The following ARID1B variants were observed in gnomAD, a reference collection of about 807,000 sequenced individuals.
ARID1B encodes AT-rich interaction domain 1B.
Under a neutral mutation model 212.3 loss-of-function variants are expected in ARID1B, and 30 were observed. The observed-to-expected ratio is 0.14, with a 90% CI of 0.11 to 0.19. The LOEUF (loss-of-function observed/expected upper bound fraction) is 0.19, where lower values mean the gene tolerates loss of function less well. ARID1B is among the 10% of genes least tolerant of loss of function. ARID1B has a pLI of 1.00. For missense variants in ARID1B, 2,891 were observed against 3,204.0 expected, an observed-to-expected ratio of 0.90 and a Z score of 2.36; for synonymous variants, 1,402 against 1,301.7, an observed-to-expected ratio of 1.08 and a Z score of -1.66.
At chr6:156,869,599 T>G (rs1488551279) in intron 2 of ARID1B, among the ~76,000 whole-genome samples, 2 of 152,228 alleles carry the variant, frequency 1.3e-5, no homozygotes, top group Non-Finnish European at 2.9e-5. Context: ...GGCGAGGACA[T>G]GGAAAGACTT....
intron 1 of ARID1B, among the ~76,000 whole-genome samples, chr6:156,790,975 T>C (rs533330666): frequency 4.6e-4 from 70 of 152,250 alleles, no homozygotes; most frequent in Non-Finnish European, 7.5e-4. Context: ...TCCATATTGC[T>C]ATATTATTAG....
In ARID1B at chr6:157,190,060, G is replaced by A. The variant is rs1476545892; in HGVS notation, c.4081G>A (p.Asp1361Asn). Residue 1361 changes from aspartate (D) to asparagine (N), a missense_variant, in exon 15 of 20, where the codon GAC becomes AAC. By Grantham distance (23) the Asp-to-Asn change is conservative. Around this residue, in one of 7 missense-constraint regions of ARID1B, gnomAD observed 666 missense variants for 873.5 expected, o/e 0.76. Transcript: ENST00000636930. This position sits in a 1 kb window ranked among gnomAD's most constrained non-coding sequence, Gnocchi z 4.6. Reference protein sequence around the residue: ...GGRSSTISVHDPFSDVSDSSF... With the variant: ...GGRSSTISVHNPFSDVSDSSF... ...CAGAAGCAGTACAATCAGTGTGCACGACCCATTCTCAGATGTGAGTGATTC... is the reference window on the plus strand; with the variant it reads ...CAGAAGCAGTACAATCAGTGTGCACAACCCATTCTCAGATGTGAGTGATTC... The A allele has an allele frequency of 3.1e-6, 5 of 1,613,978 alleles. No individual in the cohort carries two copies. The highest frequency in any genetic ancestry group is 1.7e-5 in the Admixed American group (1 of 59,994).
chr6:156,829,913 C>T (rs1783026377), intron 2 of ARID1B, among the ~76,000 whole-genome samples: 1 of 151,330 alleles, frequency 6.6e-6, no homozygotes, highest in Non-Finnish European at 1.5e-5. Context: ...TCTTCTGTAC[C>T]TTTTGAAAAA....
At chr6:156,971,240 C>A (rs542627424) in intron 4 of ARID1B, among the ~76,000 whole-genome samples, 1 of 152,114 alleles carries the variant, frequency 6.6e-6, no homozygotes, top group Non-Finnish European at 1.5e-5. Flanking sequence ...TAAATTGCAG[C>A]GTTATCTGTA....
In ARID1B at chr6:157,209,731, T is replaced by G; in HGVS notation, c.*1840T>G. 1 of 233,276 alleles carries G rather than the reference T, an allele frequency of 4.3e-6. No individual in the cohort carries two copies. The highest frequency in any genetic ancestry group is 5.6e-5 in the Admixed American group (1 of 17,802). 14.5% of individuals were successfully genotyped at this position (233,276 alleles called of 1,614,324 possible). A position where few individuals can be genotyped will look rare whatever the true frequency, so the allele number is the denominator to read the frequency against. ...AATGTTAAAAAAGAATCTGTTATAT[T>G]GTATGTGGTGTACATAGTGCAAAGT... On this transcript the variant is annotated 3_prime_UTR_variant, in exon 20 of 20. Coordinates refer to ENST00000636930, the MANE Select transcript of ARID1B (RefSeq NM_001374828.1).
At chr6:157,095,555 A>G (rs1046226506) in intron 5 of ARID1B, among the ~76,000 whole-genome samples, 3 of 152,326 alleles carry the variant, frequency 2.0e-5, no homozygotes, top group Middle Eastern at 3.4e-3. Context: ...CGTGCCTGAG[A>G]AGGAGGCCTG....
intron 2 of ARID1B, among the ~76,000 whole-genome samples, chr6:156,896,862 A>AGC (rs1460407349): frequency 6.6e-6 from 1 of 152,166 alleles, no homozygotes; most frequent in Non-Finnish European, 1.5e-5. Flanking sequence ...CTGACGACAG[A>AGC]GCGAGACTCC....
At chr6:157,163,184 C>T (rs1308829904) in intron 8 of ARID1B, among the ~76,000 whole-genome samples, 1 of 152,140 alleles carries the variant, frequency 6.6e-6, no homozygotes, top group Non-Finnish European at 1.5e-5. Flanking sequence ...GGCTCAGCAG[C>T]CAGGGAGCGC....
At chr6:157,037,840 GC>G (rs1781428924) in intron 4 of ARID1B, among the ~76,000 whole-genome samples, 3 of 152,180 alleles carry the variant, frequency 2.0e-5, no homozygotes, top group Admixed American at 2.0e-4. Context: ...CAGAGGACTG[GC>G]AACCGCAGTG....
At chr6:157,016,007 T>G (rs1407721538) in intron 4 of ARID1B, among the ~76,000 whole-genome samples, 1 of 152,206 alleles carries the variant, frequency 6.6e-6, no homozygotes, top group Non-Finnish European at 1.5e-5. Flanking sequence ...TTCAGTTTGC[T>G]CAGGAGAAGG....
rs768271181 is a variant in ARID1B, at chr6:156,778,954, C to A, written c.1274C>A (p.Ala425Glu). 1.6e-6 allele frequency: 2 copies of A among 1,285,076 alleles called. No individual in the cohort carries two copies. The highest frequency in any genetic ancestry group is 3.1e-5 in the South Asian group (1 of 32,716). The allele number at this position is 1,285,076 out of a possible 1,614,324, so 79.6% of individuals were successfully genotyped here. Reference protein sequence around the residue: ...GGAGAGAVAAAAAAAAAAAGG... With the variant: ...GGAGAGAVAAEAAAAAAAAGG... ...GCAGGAGCGGGAGCTGTGGCGGCGG[C>A]GGCCGCGGCGGCGGCGGCAGCAGCA... Residue 425 changes from alanine to glutamate, a missense_variant, in exon 1 of 20, where the codon GCG becomes GAG. Physicochemically the swap from Ala to Glu is moderately radical, Grantham distance 107. This residue lies in a region of ARID1B where 1,643 missense variants were observed against 1,544.0 expected (regional missense o/e 1.06). Transcript: ENST00000636930.
At chr6:157,182,057 G>A (rs1352551428) in intron 12 of ARID1B, among the ~76,000 whole-genome samples, 1 of 152,074 alleles carries the variant, frequency 6.6e-6, no homozygotes, top group Non-Finnish European at 1.5e-5. Context: ...AGACTAGCCT[G>A]GGGACCCCAG....
At chr6:157,111,551 G>C (rs1583324268) in intron 6 of ARID1B, among the ~76,000 whole-genome samples, 1 of 152,242 alleles carries the variant, frequency 6.6e-6, no homozygotes, top group African/African-American at 2.4e-5. Flanking sequence ...TATGTACTGG[G>C]CTCCTGACCC....
At chr6:156,903,316 A>C (rs138066153) in intron 3 of ARID1B, among the ~76,000 whole-genome samples, 223 of 152,358 alleles carry the variant, frequency 1.5e-3, no homozygotes, top group African/African-American at 5.1e-3. Flanking sequence ...AATACAATAA[A>C]TTATATGGTA....
chr6:156,946,912 C>T (rs1793195997), intron 4 of ARID1B, among the ~76,000 whole-genome samples: 1 of 152,130 alleles, frequency 6.6e-6, no homozygotes, highest in African/African-American at 2.4e-5. Context: ...GCTACTAAAG[C>T]CTTATTTCTT....
intron 8 of ARID1B, chr6:157,151,975 A>G (rs914366618): frequency 2.0e-5 from 3 of 152,264 alleles, no homozygotes; most frequent in African/African-American, 7.2e-5. Context: ...CAAATATAGA[A>G]TCCTGTAAAC....
intron 4 of ARID1B, among the ~76,000 whole-genome samples, chr6:156,982,592 T>C (rs1777672352): frequency 6.6e-6 from 1 of 152,174 alleles, no homozygotes; most frequent in Admixed American, 6.5e-5. Context: ...TATTGATCTT[T>C]TCTTTCCTTC....
At chr6:157,020,603 A>C (rs1233206398) in intron 4 of ARID1B, among the ~76,000 whole-genome samples, 1 of 152,140 alleles carries the variant, frequency 6.6e-6, no homozygotes, top group Non-Finnish European at 1.5e-5. Flanking sequence ...GGCATCACAT[A>C]AACAACAGCC....
At chr6:157,009,641 C>T (rs1779448590) in intron 4 of ARID1B, among the ~76,000 whole-genome samples, 1 of 152,220 alleles carries the variant, frequency 6.6e-6, no homozygotes, top group Non-Finnish European at 1.5e-5. Flanking sequence ...ACGCAAAATG[C>T]TCATCAATTG....
Sources: gnomAD v4.1 joint callset for allele counts (sites outside exome capture counted in the v4.1 genomes callset) on GRCh38, gnomAD v4.1.1 for gene constraint, gnomAD v4.1.1 regional missense constraint, Gnocchi (gnomAD v3.1) non-coding constraint, MANE v1.5 for transcripts, NCBI Gene and HGNC (gene_info 2026-07-23, HGNC 2026-07-21) for gene names.